Variants in CCDC191 observed in about 807,000 individuals in gnomAD.
CCDC191 encodes the protein coiled-coil domain containing 191, also known as coiled-coil domain-containing protein 191.
A neutral mutation model predicts 114.0 loss-of-function variants in CCDC191; 99 were observed. The ratio of observed to expected loss-of-function variants is 0.87; its 90% CI spans 0.74 to 1.03. The LOEUF (loss-of-function observed/expected upper bound fraction) is 1.03. Ranked by LOEUF, CCDC191 falls within the 50% of genes least tolerant of loss-of-function variation. CCDC191 has a pLI of 0.00. For synonymous variants in CCDC191, 351 were observed against 376.0 expected (o/e 0.93, Z 0.77); for missense variants, 973 against 1,087.0 (o/e 0.90, Z 1.47).
intron 13 of CCDC191, among the ~76,000 whole-genome samples, chr3:113,985,874 G>A (rs1360957292): frequency 1.3e-5 from 2 of 152,122 alleles, no homozygotes; most frequent in African/African-American, 4.8e-5. Flanking sequence ...CTAGGCCAAC[G>A]TGTTGCAGTT....
chr3:114,054,907 T>G lies in CCDC191; in HGVS notation c.91-1272A>C, dbSNP rs189456313. ...TAAAAATTCAGGTGTGTTTTTAAAA[T>G]AAGGGGATATCCTGATGATTTGTCA... On this transcript the variant is annotated intron_variant, in intron 1 of 16. Transcript: ENST00000295878. 6.3e-3 allele frequency among the ~76,000 whole-genome samples: 961 copies of G among 152,206 alleles called. 6 individuals carry two copies. The highest frequency in any genetic ancestry group is 0.034 in the Middle Eastern group (10 of 294).
chr3:113,975,650 G>C (rs912638980), intron 16 of CCDC191, among the ~76,000 whole-genome samples: 5 of 152,212 alleles, frequency 3.3e-5, no homozygotes, highest in African/African-American at 1.2e-4. Context: ...AAGTAGGGCA[G>C]TTTAATGGAT....
intron 1 of CCDC191, among the ~76,000 whole-genome samples, chr3:114,053,947 A>G (rs1305049226): frequency 6.6e-6 from 1 of 152,104 alleles, no homozygotes. Context: ...GTTAAGAGTC[A>G]AGATATAGAA....
chr3:114,018,789 G>C lies in CCDC191; in HGVS notation c.1052C>G (p.Ser351Cys). 3 of 1,613,896 alleles carry C rather than the reference G, an allele frequency of 1.9e-6. No homozygotes were observed. Among genetic ancestry groups the C allele is most frequent in the South Asian group, 1.1e-5 (1 of 91,078 alleles). ...GACCTTCAGCTGAATCTTCCAGTCA[G>C]ACAGGGTCCCAGCTTTCCCCAGCTT... ...RIKLGKAGTL[S>C]DWKIQLKVLR... Residue 351 changes from serine to cysteine, a missense_variant, in exon 8 of 17, where the codon TCT becomes TGT. Coordinates refer to ENST00000295878, the MANE Select transcript of CCDC191 (RefSeq NM_020817.2).
rs528349636 is a variant in CCDC191, at chr3:113,976,806, G to T, written c.2606+1380C>A. On this transcript the variant is annotated intron_variant, in intron 16 of 16. Transcript: ENST00000295878. ...ACAGGGAGGCTTTGAAAGGTTATTT[G>T]TTCAGGGTCACATAGATATTGAGTC... is the stretch of plus-strand genomic sequence containing the variant. Among the ~76,000 whole-genome samples, 67 of 152,236 alleles carry T rather than the reference G, an allele frequency of 4.4e-4. 1 individual carries two copies. The highest frequency in any genetic ancestry group is 3.5e-4 in the Non-Finnish European group (24 of 68,008).
At chr3:113,965,432 C>A in intron 16 of CCDC191, 73 bp from the exon 17 acceptor site, 1 of 782,468 alleles carries the variant, frequency 1.3e-6, no homozygotes, top group Non-Finnish European at 2.0e-6. Context: ...ACATTAAGAA[C>A]TTTATAAAAA....
chr3:114,004,478 G>A, intron 11 of CCDC191, 159 bp downstream of exon 11: 2 of 1,356,332 alleles, frequency 1.5e-6, no homozygotes, highest in Non-Finnish European at 1.9e-6. Context: ...GCTCTCTGGT[G>A]TACTCCACTC....
chr3:113,979,931 A>G (rs183624820), intron 14 of CCDC191, among the ~76,000 whole-genome samples: 5 of 152,346 alleles, frequency 3.3e-5, no homozygotes, highest in Admixed American at 1.3e-4. Context: ...CTGATTTCAT[A>G]TATCTCTCTG....
In CCDC191 at chr3:113,978,332, C is replaced by A. The variant is rs76363649; in HGVS notation, c.2461-1G>T. 868 of 1,613,496 alleles carry A rather than the reference C, an allele frequency of 5.4e-4. 9 individuals are homozygous for A. The East Asian group carries it at 0.014, about 25-fold the overall frequency. On this transcript the variant is annotated splice_acceptor_variant, in intron 15 of 16. Transcript: ENST00000295878. LOFTEE classifies it high-confidence loss of function. The stretch of plus-strand genomic sequence containing the variant: ...CTTCTTCCTGCAGATCAATCACGTA[C>A]TGGGGATGAAGACAGAAATAAAAGT...
intron 13 of CCDC191, among the ~76,000 whole-genome samples, chr3:113,987,158 C>T (rs1342124069): frequency 1.4e-5 from 2 of 146,404 alleles, no homozygotes; most frequent in African/African-American, 5.0e-5. Context: ...TGTCAACCCA[C>T]AATTCTATAT....
intron 16 of CCDC191, among the ~76,000 whole-genome samples, chr3:113,971,259 T>C (rs1353358762): frequency 1.3e-5 from 2 of 152,230 alleles, no homozygotes; most frequent in Non-Finnish European, 2.9e-5. Flanking sequence ...ATCGCCATTC[T>C]AACTGGTGTG....
intron 7 of CCDC191, among the ~76,000 whole-genome samples, chr3:114,026,950 C>G (rs1386583827): frequency 1.3e-5 from 2 of 152,114 alleles, no homozygotes; most frequent in African/African-American, 4.8e-5. Context: ...AGTTTCTAAT[C>G]TTATTAAGAA....
At chr3:113,985,677 T>C (rs1018583478) in intron 13 of CCDC191, among the ~76,000 whole-genome samples, 6 of 152,128 alleles carry the variant, frequency 3.9e-5, no homozygotes, top group Admixed American at 6.5e-5. Context: ...CAACAGATTC[T>C]CTCTGGGGAG....
chr3:113,971,900 A>G (rs1192388870), intron 16 of CCDC191, among the ~76,000 whole-genome samples: 3 of 151,888 alleles, frequency 2.0e-5, no homozygotes, highest in Admixed American at 6.6e-5. Context: ...TCATCATTCA[A>G]TCTTGGTAGG....
intron 16 of CCDC191, 48 bp from the exon 17 acceptor site, chr3:113,965,407 C>T (rs1257379171): frequency 1.6e-6 from 2 of 1,221,698 alleles, no homozygotes; most frequent in Non-Finnish European, 2.3e-6. Flanking sequence ...AAAAAGTTGG[C>T]TTTCCATCTA....
chr3:114,049,852 CTA>C (rs1382337919), intron 2 of CCDC191, among the ~76,000 whole-genome samples: 2 of 152,028 alleles, frequency 1.3e-5, no homozygotes, highest in Non-Finnish European at 2.9e-5. Context: ...GAGAGCTACC[CTA>C]TATTTAAGTA....
intron 7 of CCDC191, among the ~76,000 whole-genome samples, chr3:114,030,930 C>A (rs1312607250): frequency 1.3e-5 from 2 of 152,090 alleles, no homozygotes; most frequent in African/African-American, 4.8e-5. Flanking sequence ...ACATATTTAT[C>A]TTTTCTCATC....
chr3:113,965,030 C>A lies in CCDC191; in HGVS notation c.*125G>T, dbSNP rs1939967135. On this transcript the variant is annotated 3_prime_UTR_variant, in exon 17 of 17. Transcript: ENST00000295878. ...GGAATAAAAATTCTCAAAATAATTC[C>A]TTTGATCTAAGAAGTAGCTCGTAGA... 2.0e-6 allele frequency: 1 copy of A among 504,950 alleles called. No individual in the cohort carries two copies. The highest frequency in any genetic ancestry group is 3.2e-5 in the East Asian group (1 of 31,338). 31.3% of individuals were successfully genotyped at this position (504,950 alleles called of 1,614,324 possible).
At chr3:114,006,067 T>C (rs755850727) in intron 9 of CCDC191, 105 bp from the exon 10 acceptor site, 4 of 1,015,130 alleles carry the variant, frequency 3.9e-6, no homozygotes, top group African/African-American at 3.1e-5. Context: ...ACAACTGCCA[T>C]GTATTGCAGG....
Sources: gnomAD v4.1 joint callset for allele counts (sites outside exome capture counted in the v4.1 genomes callset) on GRCh38, gnomAD v4.1.1 for gene constraint, MANE v1.5 for transcripts, NCBI Gene and HGNC (gene_info 2026-07-23, HGNC 2026-07-21) for gene names.